The following TNFRSF8 variants were observed in gnomAD, a reference collection of about 807,000 sequenced individuals.
The protein encoded by TNFRSF8 is tumor necrosis factor receptor superfamily member 8.
In TNFRSF8, 26 loss-of-function variants were observed where a neutral mutation model predicts 70.8. That is an observed-to-expected ratio of 0.37 (90% CI 0.27 to 0.51). TNFRSF8 has a LOEUF of 0.51. Among genes scored for constraint, TNFRSF8 ranks in the 20% least tolerant of loss-of-function variants. The pLI is 0.94. For missense variants in TNFRSF8, 720 were observed against 807.9 expected (o/e 0.89, Z 1.32); for synonymous variants, 356 against 339.2 (o/e 1.05, Z -0.54).
chr1:12,124,668 A>G (rs1641897894), intron 10 of TNFRSF8, among the ~76,000 whole-genome samples: 1 of 151,990 alleles, frequency 6.6e-6, no homozygotes, highest in Non-Finnish European at 1.5e-5. Context: ...CTAAAAATAC[A>G]AAAATTAGCC....
chr1:12,066,465 C>T (rs372930686), intron 1 of TNFRSF8, among the ~76,000 whole-genome samples: 5 of 150,620 alleles, frequency 3.3e-5, no homozygotes, highest in African/African-American at 4.9e-5. Context: ...GTGATTCTAC[C>T]GTCTCAGCCT....
chr1:12,072,452 G>A (rs1299540665), intron 1 of TNFRSF8, among the ~76,000 whole-genome samples: 1 of 152,140 alleles, frequency 6.6e-6, no homozygotes, highest in Non-Finnish European at 1.5e-5. Flanking sequence ...AGGGGAAGGA[G>A]CCTCCAGAGT....
chr1:12,073,258 G>A (rs766765697), intron 1 of TNFRSF8, among the ~76,000 whole-genome samples: 41 of 150,458 alleles, frequency 2.7e-4, no homozygotes, highest in Non-Finnish European at 5.4e-4. Flanking sequence ...GCAAGGCCCT[G>A]TCTTAAAAAC....
At chr1:12,073,740 C>T (rs530282162) in intron 1 of TNFRSF8, among the ~76,000 whole-genome samples, 255 of 151,446 alleles carry the variant, frequency 1.7e-3, no homozygotes, top group African/African-American at 5.5e-3. Flanking sequence ...ATTACAGGCG[C>T]CCACCACCAC....
chr1:12,122,179 G>T (rs1641841155), intron 8 of TNFRSF8, among the ~76,000 whole-genome samples: 1 of 152,032 alleles, frequency 6.6e-6, no homozygotes, highest in Non-Finnish European at 1.5e-5. Flanking sequence ...CACACTTAGG[G>T]ACATTTTCTT....
At chr1:12,139,240 GA>G (rs1056270993) in intron 14 of TNFRSF8, among the ~76,000 whole-genome samples, 12 of 152,124 alleles carry the variant, frequency 7.9e-5, no homozygotes, top group Non-Finnish European at 1.0e-4. Flanking sequence ...ACTCAAGGCT[GA>G]CAGCAAGTTG....
chr1:12,121,032 C>T (rs1416262165), intron 8 of TNFRSF8, among the ~76,000 whole-genome samples: 1 of 152,186 alleles, frequency 6.6e-6, no homozygotes, highest in Admixed American at 6.5e-5. Flanking sequence ...GGGGCTCTCT[C>T]CTCATGATGC....
intron 14 of TNFRSF8, among the ~76,000 whole-genome samples, chr1:12,139,858 A>G (rs1005027822): frequency 6.6e-6 from 1 of 151,732 alleles, no homozygotes; most frequent in African/African-American, 2.4e-5. Context: ...CTGGTCTGGA[A>G]CTCCTGGCCT....
At chr1:12,072,729 C>T (rs1640868838) in intron 1 of TNFRSF8, among the ~76,000 whole-genome samples, 1 of 152,302 alleles carries the variant, frequency 6.6e-6, no homozygotes. Context: ...CTGCCAGGTA[C>T]GGTTCCTGCT....
rs1374720670 is a variant in TNFRSF8, at chr1:12,142,555, G to A, written c.*24G>A. ...GAGGCCTGGGCTGGGCTGGGGCTAG[G>A]AGGGCAGCAGGGTGGCCTCTGGGAG... On this transcript the variant is annotated 3_prime_UTR_variant, in exon 15 of 15. Coordinates refer to ENST00000263932, the MANE Select transcript of TNFRSF8 (RefSeq NM_001243.5). This position sits in a 1 kb window ranked among gnomAD's most constrained non-coding sequence, Gnocchi z 5.0. 6.4e-7 allele frequency: 1 copy of A among 1,550,936 alleles called. No individual in the cohort carries two copies. Among genetic ancestry groups the A allele is most frequent in the Admixed American group, 2.0e-5 (1 of 51,126 alleles).
chr1:12,084,666 C>A, intron 2 of TNFRSF8, 115 bp downstream of exon 2: 1 of 968,976 alleles, frequency 1.0e-6, no homozygotes, highest in Non-Finnish European at 1.6e-6. Flanking sequence ...TCATAATTGG[C>A]TACAGTTTTC....
intron 10 of TNFRSF8, among the ~76,000 whole-genome samples, 198 bp downstream of exon 10, chr1:12,124,025 A>T (rs918010417): frequency 1.3e-5 from 2 of 151,936 alleles, no homozygotes; most frequent in Non-Finnish European, 2.9e-5. Context: ...TTTCTTTTTG[A>T]AACAGTCTCA....
rs142860118 is a variant in TNFRSF8 at position 12,142,743 on chromosome 1, C to T, written c.*212C>T. ...CCCCTGACCCAGAGCCTAGGGGATC[C>T]GGGGCTTGTACAGAAGAGACAGTCC... On this transcript the variant is annotated 3_prime_UTR_variant, in exon 15 of 15. Transcript: ENST00000263932. This position sits in a 1 kb window ranked among gnomAD's most constrained non-coding sequence, Gnocchi z 5.0. 2.5e-4 allele frequency: 157 copies of T among 628,152 alleles called. No homozygotes were observed. Among genetic ancestry groups the T allele is most frequent in the Non-Finnish European group, 3.7e-4 (138 of 370,480 alleles). The allele number at this position is 628,152 out of a possible 1,614,324, so 38.9% of individuals were successfully genotyped here. A position where few individuals can be genotyped will look rare whatever the true frequency, so the allele number is the denominator to read the frequency against.
At position 12,138,382 on chromosome 1, in the gene TNFRSF8, C is replaced by T. The variant is rs1287599643; in HGVS notation, c.1489C>T (p.Pro497Ser). The change falls in exon 14 of 15, where the codon CCC (proline) becomes TCC (serine). Residue 497 changes from proline to serine, a missense_variant. Transcript: ENST00000263932. The surrounding 1 kb of genome is among the most constrained non-coding windows in gnomAD (Gnocchi z 5.7). ...CAGCCCGGCCGGGGGCCCCTCGTCC[C>T]CCAGGGACCTTCCTGAGCCCCGGGT... ...DASPAGGPSSPRDLPEPRVST... is the reference protein window; with the variant it reads ...DASPAGGPSSSRDLPEPRVST... The T allele has an allele frequency of 3.7e-6, 6 of 1,613,614 alleles. No homozygotes were observed. The highest frequency in any genetic ancestry group is 1.7e-5 in the Admixed American group (1 of 60,002).
At chr1:12,084,413 G>A in intron 1 of TNFRSF8, 51 bp from the exon 2 acceptor site, 1 of 1,524,040 alleles carries the variant, frequency 6.6e-7, no homozygotes, top group Non-Finnish European at 9.1e-7. Context: ...GACAGAGGGA[G>A]TATGGATATC....
intron 2 of TNFRSF8, among the ~76,000 whole-genome samples, chr1:12,094,192 A>G (rs1253553343): frequency 6.6e-6 from 1 of 152,198 alleles, no homozygotes; most frequent in African/African-American, 2.4e-5. Flanking sequence ...TTGAGCTCAC[A>G]AATAAATGTG....
intron 8 of TNFRSF8, among the ~76,000 whole-genome samples, chr1:12,122,911 C>T (rs1225556897): frequency 1.3e-5 from 2 of 151,992 alleles, no homozygotes; most frequent in Non-Finnish European, 2.9e-5. Context: ...TCACTGCAGC[C>T]TCCACCTCCC....
rs943091930 is a variant in TNFRSF8 at position 12,110,361 on chromosome 1, T to C, written c.676+157T>C. On this transcript the variant is annotated intron_variant, in intron 6 of 14. Transcript: ENST00000263932. The surrounding 1 kb of genome is among the most constrained non-coding windows in gnomAD (Gnocchi z 4.0). Reference sequence around the variant, plus strand: ...AAGGTATGATCTAGGGCTGAAAGCATTGAGGGGCAGAGGTAGACACCAGAG... The same window carrying C: ...AAGGTATGATCTAGGGCTGAAAGCACTGAGGGGCAGAGGTAGACACCAGAG... Among the ~76,000 whole-genome samples the C allele has an allele frequency of 4.6e-5, 7 of 152,118 alleles. No individual in the cohort carries two copies. The highest frequency in any genetic ancestry group is 5.9e-5 in the Non-Finnish European group (4 of 68,010).
chr1:12,137,314 A>AAAT (rs199924980), intron 13 of TNFRSF8, among the ~76,000 whole-genome samples: 11 of 100,020 alleles, frequency 1.1e-4, no homozygotes, highest in African/African-American at 2.6e-4. Flanking sequence ...AAAAAGTAAA[A>AAAT]AATAATAATA....
Sources: allele counts gnomAD v4.1 joint callset (sites outside exome capture counted in the v4.1 genomes callset), GRCh38; gene constraint gnomAD v4.1.1; non-coding constraint Gnocchi (gnomAD v3.1); transcripts MANE v1.5; gene names NCBI Gene and HGNC (gene_info 2026-07-23, HGNC 2026-07-21).